The following FMN2 variants were observed in gnomAD, a reference collection of about 807,000 sequenced individuals.
FMN2 encodes formin-2.
A neutral mutation model predicts 142.3 loss-of-function variants in FMN2; 51 were observed. The ratio of observed to expected loss-of-function variants is 0.36; its 90% CI spans 0.29 to 0.45. FMN2 has a LOEUF of 0.45. Among genes scored for constraint, FMN2 ranks in the 20% least tolerant of loss-of-function variants. The pLI is 1.00. For synonymous variants in FMN2, 882 were observed against 869.8 expected, an observed-to-expected ratio of 1.01 and a Z score of -0.25; for missense variants, 1,936 against 2,122.8, an observed-to-expected ratio of 0.91 and a Z score of 1.73.
At chr1:240,399,253 A>G (rs1673891812) in intron 15 of FMN2, among the ~76,000 whole-genome samples, 1 of 152,122 alleles carries the variant, frequency 6.6e-6, no homozygotes, top group South Asian at 2.1e-4. Context: ...GCTCTTCACA[A>G]TTTCCTTTTC....
At chr1:240,183,485 T>C (rs1308133297) in intron 3 of FMN2, among the ~76,000 whole-genome samples, 1 of 148,330 alleles carries the variant, frequency 6.7e-6, no homozygotes, top group Non-Finnish European at 1.5e-5. Context: ...ATATTATATA[T>C]TGAATTAGAT....
chr1:240,207,455 C>G lies in FMN2; in HGVS notation c.2643C>G (p.Pro881=). The G allele has an allele frequency of 6.2e-7, 1 of 1,613,548 alleles. No homozygotes were observed. ...TGGGCATGGTGCCTCCCCCACCTCC[C>G]CCTCTCCCTGGCATGACAGTGCCTA... ...PGLGMVPPPP[P]PLPGMTVPTL... is the part of the protein sequence containing the mutation. Residue 881 remains proline (P), a synonymous_variant, in exon 5 of 18, where the codon CCC becomes CCG. Coordinates refer to ENST00000319653, the MANE Select transcript of FMN2 (RefSeq NM_020066.5).
chr1:240,177,898 A>C, intron 2 of FMN2, 23 bp from the exon 3 acceptor site: 1 of 1,534,254 alleles, frequency 6.5e-7, no homozygotes, highest in Non-Finnish European at 8.7e-7. Flanking sequence ...TAGCATTTCA[A>C]CATTTTTTAT....
intron 6 of FMN2, among the ~76,000 whole-genome samples, chr1:240,215,802 G>A (rs1277537848): frequency 5.9e-5 from 9 of 151,822 alleles, no homozygotes; most frequent in South Asian, 2.1e-4. Context: ...TCCCCCTCCC[G>A]GGTTCAAGCG....
chr1:240,124,899 C>T lies in FMN2; in HGVS notation c.1782+1554C>T, dbSNP rs575321646. Among the ~76,000 whole-genome samples, 7 of 152,206 alleles carry T rather than the reference C, an allele frequency of 4.6e-5. No homozygotes were observed. In the South Asian group the frequency reaches 1.2e-3, roughly 27 times the overall value. Reference sequence around the variant, plus strand: ...TTCAGGCTGTTCTTGAACTCCTGACCTCGTGATCCACCCGCCCCGGCCTCC... The same window carrying T: ...TTCAGGCTGTTCTTGAACTCCTGACTTCGTGATCCACCCGCCCCGGCCTCC... On this transcript the variant is annotated intron_variant, in intron 2 of 17. Transcript: ENST00000319653.
intron 6 of FMN2, among the ~76,000 whole-genome samples, chr1:240,216,254 A>G (rs986565525): frequency 2.0e-5 from 3 of 152,218 alleles, no homozygotes; most frequent in African/African-American, 7.2e-5. Context: ...AAAAAGAATC[A>G]TCTTTGTAAA....
intron 7 of FMN2, among the ~76,000 whole-genome samples, chr1:240,290,906 C>T (rs375437244): frequency 5.3e-5 from 8 of 151,160 alleles, no homozygotes; most frequent in East Asian, 1.9e-4. Flanking sequence ...CTCTACCTCC[C>T]GGGTTCAAGT....
intron 7 of FMN2, among the ~76,000 whole-genome samples, chr1:240,276,917 A>G (rs192279684): frequency 6.6e-6 from 1 of 152,274 alleles, no homozygotes; most frequent in Non-Finnish European, 1.5e-5. Flanking sequence ...TCATTTTCTC[A>G]TCAAACTTGA....
chr1:240,124,042 A>T (rs573921611), intron 2 of FMN2, among the ~76,000 whole-genome samples: 1 of 152,142 alleles, frequency 6.6e-6, no homozygotes, highest in African/African-American at 2.4e-5. Context: ...CATTGTATGT[A>T]TATGTTGCAT....
At chr1:240,349,785 A>G (rs2103038805) in intron 13 of FMN2, among the ~76,000 whole-genome samples, 1 of 152,362 alleles carries the variant, frequency 6.6e-6, no homozygotes, top group East Asian at 1.9e-4. Flanking sequence ...TAAATTAAAC[A>G]AAAGTTGAGA....
intron 2 of FMN2, among the ~76,000 whole-genome samples, chr1:240,150,078 A>G (rs1663699376): frequency 6.6e-6 from 1 of 152,168 alleles, no homozygotes; most frequent in African/African-American, 2.4e-5. Flanking sequence ...AAAATAACAC[A>G]ACTTCCTTTT....
intron 2 of FMN2, chr1:240,143,722 T>A (rs1453885351): frequency 8.3e-6 from 13 of 1,561,364 alleles, no homozygotes; most frequent in Non-Finnish European, 1.1e-5. Context: ...CCAACGAGCA[T>A]AAGAGTCCTT....
At chr1:240,288,350 C>A (rs1669660330) in intron 7 of FMN2, among the ~76,000 whole-genome samples, 1 of 152,176 alleles carries the variant, frequency 6.6e-6, no homozygotes. Context: ...AGCCAGCCTT[C>A]CTGACTAGTG....
intron 6 of FMN2, among the ~76,000 whole-genome samples, chr1:240,252,875 T>G (rs1191986837): frequency 6.6e-6 from 1 of 151,852 alleles, no homozygotes; most frequent in Non-Finnish European, 1.5e-5. Flanking sequence ...CTTTCATTTA[T>G]TCTTCATCTT....
intron 2 of FMN2, among the ~76,000 whole-genome samples, chr1:240,165,044 T>A (rs1193659413): frequency 6.6e-6 from 1 of 152,240 alleles, no homozygotes. Context: ...CTTCTTTGAA[T>A]GCACTAATTT....
chr1:240,357,433 T>G (rs1332834896), intron 14 of FMN2, among the ~76,000 whole-genome samples: 2 of 152,190 alleles, frequency 1.3e-5, no homozygotes, highest in African/African-American at 2.4e-5. Context: ...GGAATTGTGC[T>G]TTCAAAACAC....
intron 6 of FMN2, among the ~76,000 whole-genome samples, chr1:240,221,698 G>T (rs1667121607): frequency 6.6e-6 from 1 of 152,058 alleles, no homozygotes; most frequent in African/African-American, 2.4e-5. Context: ...TGTTCACTCT[G>T]ATGATAGTTT....
At chr1:240,247,043 G>T (rs1196440704) in intron 6 of FMN2, among the ~76,000 whole-genome samples, 1 of 152,154 alleles carries the variant, frequency 6.6e-6, no homozygotes, top group East Asian at 1.9e-4. Flanking sequence ...GGTTCGTAAT[G>T]CAAAGTTTGG....
chr1:240,205,029 T>G (rs73115008), intron 4 of FMN2, among the ~76,000 whole-genome samples: 1 of 152,198 alleles, frequency 6.6e-6, no homozygotes, highest in Admixed American at 6.5e-5. Flanking sequence ...ATATTATCTT[T>G]ATATTACCTG....
Sources: gnomAD v4.1 joint callset for allele counts (sites outside exome capture counted in the v4.1 genomes callset) on GRCh38, gnomAD v4.1.1 for gene constraint, MANE v1.5 for transcripts, NCBI Gene and HGNC (gene_info 2026-07-23, HGNC 2026-07-21) for gene names.